ALK: variants seen among roughly 807,000 people sequenced by gnomAD.
ALK encodes ALK receptor tyrosine kinase.
ALK carries 74 observed loss-of-function variants against 163.1 expected under a neutral mutation model. The ratio of observed to expected loss-of-function variants is 0.45; its 90% CI spans 0.38 to 0.55. The LOEUF (loss-of-function observed/expected upper bound fraction) is 0.55. ALK is among the 20% of genes least tolerant of loss of function. The pLI is 0.00. For missense variants in ALK, 2,063 were observed against 2,105.3 expected (o/e 0.98, Z 0.39); for synonymous variants, 960 against 843.2 (o/e 1.14, Z -2.40).
chr2:29,694,904 G>C lies in ALK; in HGVS notation c.898C>G (p.Gln300Glu), dbSNP rs1254596043. 6.2e-7 allele frequency: 1 copy of C among 1,614,112 alleles called. No individual in the cohort carries two copies. The highest frequency in any genetic ancestry group is 1.7e-5 in the Admixed American group (1 of 60,030). Residue 300 changes from glutamine to glutamate, a missense_variant, in exon 3 of 29, where the codon CAG (glutamine) becomes GAG (glutamate). Around this residue, in one of 5 missense-constraint regions of ALK, gnomAD observed 987 missense variants for 939.5 expected, o/e 1.05. Coordinates refer to ENST00000389048, the MANE Select transcript of ALK (RefSeq NM_004304.5). ...CCAGGCCCATCCAGCAAGTCCATCT[G>C]GGAGGCCTCCTCGGAGGGGATGCGG... Reference protein sequence around the residue: ...WRRIPSEEASQMDLLDGPGAE... With the variant: ...WRRIPSEEASEMDLLDGPGAE...
At chr2:29,288,866 C>T (rs545296328) in intron 9 of ALK, among the ~76,000 whole-genome samples, 2 of 150,726 alleles carry the variant, frequency 1.3e-5, no homozygotes, top group Admixed American at 6.7e-5. Context: ...GCAGGAGAAT[C>T]GCTTGAACCC....
chr2:29,810,445 T>C (rs899787137), intron 1 of ALK, among the ~76,000 whole-genome samples: 3 of 148,668 alleles, frequency 2.0e-5, no homozygotes, highest in Admixed American at 6.7e-5. Flanking sequence ...AAAAAAGGGA[T>C]AGTCATACTA....
chr2:29,231,881 G>T (rs944585014), intron 15 of ALK, among the ~76,000 whole-genome samples: 2 of 152,184 alleles, frequency 1.3e-5, no homozygotes, highest in East Asian at 1.9e-4. Context: ...GCGGGGATAC[G>T]CTTGGGTCTG....
chr2:29,608,504 G>T (rs1675600607), intron 3 of ALK, among the ~76,000 whole-genome samples: 1 of 152,178 alleles, frequency 6.6e-6, no homozygotes, highest in African/African-American at 2.4e-5. Context: ...GCTTGTTAGT[G>T]GCAGAGCTGA....
At chr2:29,288,071 G>C (rs1222930122) in intron 9 of ALK, among the ~76,000 whole-genome samples, 1 of 152,084 alleles carries the variant, frequency 6.6e-6, no homozygotes, top group East Asian at 1.9e-4. Flanking sequence ...GGGAGGGATG[G>C]GTGAACTTGG....
At chr2:29,500,831 T>C (rs1273541291) in intron 4 of ALK, among the ~76,000 whole-genome samples, 1 of 152,218 alleles carries the variant, frequency 6.6e-6, no homozygotes, top group South Asian at 2.1e-4. Context: ...TCTGGGATCC[T>C]TGCATACACA....
intron 4 of ALK, among the ~76,000 whole-genome samples, chr2:29,397,679 C>T (rs1387837352): frequency 6.6e-6 from 1 of 152,204 alleles, no homozygotes; most frequent in Non-Finnish European, 1.5e-5. Context: ...CAAAGCAGCC[C>T]TATTTTCCTT....
intron 4 of ALK, among the ~76,000 whole-genome samples, chr2:29,409,903 T>C (rs1215320211): frequency 1.3e-5 from 2 of 152,198 alleles, no homozygotes; most frequent in African/African-American, 4.8e-5. Context: ...CTGTGTGCCC[T>C]GTTGGCTGTT....
At chr2:29,374,192 G>T (rs150488481) in intron 5 of ALK, among the ~76,000 whole-genome samples, 1 of 152,152 alleles carries the variant, frequency 6.6e-6, no homozygotes, top group Admixed American at 6.5e-5. Flanking sequence ...ATGAGAATAC[G>T]TATTGTGCCA....
intron 3 of ALK, among the ~76,000 whole-genome samples, chr2:29,591,461 G>T (rs959936724): frequency 1.3e-5 from 2 of 152,154 alleles, no homozygotes; most frequent in African/African-American, 4.8e-5. Flanking sequence ...TAGGCAAGTG[G>T]GCATGGCCAC....
At chr2:29,461,315 G>A (rs1671078724) in intron 4 of ALK, among the ~76,000 whole-genome samples, 1 of 152,184 alleles carries the variant, frequency 6.6e-6, no homozygotes, top group Non-Finnish European at 1.5e-5. Flanking sequence ...TGATGAAAGT[G>A]GCTACACTAC....
In ALK at chr2:29,196,792, T is replaced by C; in HGVS notation, c.4142A>G (p.Glu1381Gly). 2 of 1,614,038 alleles carry C rather than the reference T, an allele frequency of 1.2e-6. No individual in the cohort carries two copies. Among genetic ancestry groups the C allele is most frequent in the Non-Finnish European group, 1.7e-6 (2 of 1,179,880 alleles). The part of the protein sequence containing the change: ...EDRPNFAIIL[E>G]RIEYCTQDPD... ...TACCTGGGTGCAGTATTCAATCCTCTCCAAAATGATGGCAAAGTTGGGCCT... is the reference window on the plus strand; with the variant it reads ...TACCTGGGTGCAGTATTCAATCCTCCCCAAAATGATGGCAAAGTTGGGCCT... Residue 1381 changes from glutamate to glycine, a missense_variant, in exon 28 of 29, where the codon GAG (glutamate) becomes GGG (glycine). Physicochemically the swap from Glu to Gly is moderately conservative, Grantham distance 98 (BLOSUM62 -2). Transcript: ENST00000389048.
At chr2:29,407,861 C>T (rs773320408) in intron 4 of ALK, among the ~76,000 whole-genome samples, 2 of 152,170 alleles carry the variant, frequency 1.3e-5, no homozygotes, top group African/African-American at 4.8e-5. Flanking sequence ...ACTCCTCCAC[C>T]TTTTTCTACC....
intron 11 of ALK, among the ~76,000 whole-genome samples, chr2:29,264,488 T>G (rs1665163639): frequency 6.6e-6 from 1 of 152,252 alleles, no homozygotes; most frequent in Non-Finnish European, 1.5e-5. Context: ...GAAATGATGC[T>G]GTCTATACAC....
intron 3 of ALK, among the ~76,000 whole-genome samples, chr2:29,679,073 T>TA (rs1313140460): frequency 6.6e-6 from 1 of 151,954 alleles, no homozygotes; most frequent in Non-Finnish European, 1.5e-5. Context: ...CATACATTTA[T>TA]AATTGTTATC....
intron 1 of ALK, among the ~76,000 whole-genome samples, chr2:29,740,917 G>T (rs1041593534): frequency 6.6e-6 from 1 of 152,128 alleles, no homozygotes; most frequent in Non-Finnish European, 1.5e-5. Flanking sequence ...CAGGAGAATC[G>T]CCTGAACCCA....
intron 4 of ALK, among the ~76,000 whole-genome samples, chr2:29,474,140 T>C (rs4292054): frequency 0.07 from 10,683 of 152,304 alleles, 527 homozygotes; most frequent in Non-Finnish European, 0.11. Flanking sequence ...GGATATATTG[T>C]GGTATGTTTA....
intron 1 of ALK, among the ~76,000 whole-genome samples, chr2:29,806,630 T>C (rs1359128970): frequency 6.6e-6 from 1 of 152,126 alleles, no homozygotes; most frequent in Non-Finnish European, 1.5e-5. Context: ...TATTTGCAGA[T>C]GTTGTCCGGA....
intron 3 of ALK, among the ~76,000 whole-genome samples, chr2:29,616,579 C>T (rs1370080771): frequency 6.6e-6 from 1 of 152,130 alleles, no homozygotes; most frequent in Non-Finnish European, 1.5e-5. Context: ...TTGGCGAGGG[C>T]TCTGGACTCA....
Sources: allele counts gnomAD v4.1 joint callset (sites outside exome capture counted in the v4.1 genomes callset), GRCh38; gene constraint gnomAD v4.1.1; regional missense constraint gnomAD v4.1.1; transcripts MANE v1.5; gene names NCBI Gene and HGNC (gene_info 2026-07-23, HGNC 2026-07-21).